GRID2: variants seen among roughly 807,000 people sequenced by gnomAD.
GRID2 encodes glutamate ionotropic receptor delta type subunit 2.
A neutral mutation model predicts 114.8 loss-of-function variants in GRID2; 33 were observed. That is an observed-to-expected ratio of 0.29 (90% CI 0.22 to 0.38). GRID2 has a LOEUF of 0.38. Among genes scored for constraint, GRID2 ranks in the 10% least tolerant of loss-of-function variants. The pLI is 1.00. For synonymous variants in GRID2, 505 were observed against 449.9 expected (o/e 1.12, Z -1.55); for missense variants, 1,184 against 1,257.7 (o/e 0.94, Z 0.89).
chr4:93,477,963 C>A (rs1725479535), intron 11 of GRID2, among the ~76,000 whole-genome samples: 1 of 152,022 alleles, frequency 6.6e-6, no homozygotes, highest in South Asian at 2.1e-4. Flanking sequence ...TAACATTGCA[C>A]TTAAGAGAGT....
intron 4 of GRID2, among the ~76,000 whole-genome samples, chr4:93,173,300 T>G (rs1355287931): frequency 6.6e-6 from 1 of 152,170 alleles, no homozygotes; most frequent in African/African-American, 2.4e-5. Context: ...GCACCATTTT[T>G]AAGAACTGAG....
intron 2 of GRID2, among the ~76,000 whole-genome samples, chr4:92,945,571 C>T (rs552562086): frequency 7.9e-5 from 12 of 152,264 alleles, no homozygotes; most frequent in East Asian, 3.9e-4. Context: ...TGTTATCCTT[C>T]GTTTTCTCTA....
chr4:93,178,812 C>T (rs547370158), intron 4 of GRID2, among the ~76,000 whole-genome samples: 1 of 152,126 alleles, frequency 6.6e-6, no homozygotes, highest in South Asian at 2.1e-4. Context: ...AACTGGTAAA[C>T]ACTACCTACC....
At chr4:92,332,615 ATGAG>A (rs1471184817) in intron 1 of GRID2, among the ~76,000 whole-genome samples, 1 of 152,206 alleles carries the variant, frequency 6.6e-6, no homozygotes, top group Non-Finnish European at 1.5e-5. Flanking sequence ...TAAATCAAAT[ATGAG>A]TGAGACTTAA....
intron 14 of GRID2, among the ~76,000 whole-genome samples, chr4:93,678,198 G>C (rs945131889): frequency 1.2e-4 from 19 of 152,138 alleles, no homozygotes; most frequent in Non-Finnish European, 2.5e-4. Flanking sequence ...TGAAATGAAT[G>C]AAATGAAGCA....
downstream of GRID2, among the ~76,000 whole-genome samples, chr4:93,779,097 T>C (rs1734427626): frequency 6.6e-6 from 1 of 152,154 alleles, no homozygotes; most frequent in Non-Finnish European, 1.5e-5. Context: ...GTTTTTGATG[T>C]GTCCAATGGC....
At chr4:93,528,725 G>A (rs1033931672) in intron 13 of GRID2, among the ~76,000 whole-genome samples, 1 of 152,012 alleles carries the variant, frequency 6.6e-6, no homozygotes, top group African/African-American at 2.4e-5. Context: ...CTATTAACCA[G>A]CCCCCAGCAA....
At chr4:92,858,091 GTCTGCT>G (rs1744293882) in intron 2 of GRID2, among the ~76,000 whole-genome samples, 1 of 152,182 alleles carries the variant, frequency 6.6e-6, no homozygotes, top group South Asian at 2.1e-4. Flanking sequence ...TTCAAATTAT[GTCTGCT>G]AATTGCCAAT....
intron 13 of GRID2, among the ~76,000 whole-genome samples, chr4:93,518,434 G>T (rs1434575933): frequency 1.3e-5 from 2 of 151,978 alleles, no homozygotes; most frequent in Non-Finnish European, 2.9e-5. Context: ...GAAAAAATAT[G>T]ATTTTTAAAA....
At chr4:92,385,811 G>A (rs890864945) in intron 1 of GRID2, among the ~76,000 whole-genome samples, 6 of 150,182 alleles carry the variant, frequency 4.0e-5, no homozygotes, top group Admixed American at 2.0e-4. Context: ...AAATAATTAA[G>A]TTATTTGGAT....
At chr4:92,468,092 C>T (rs1441827171) in intron 1 of GRID2, among the ~76,000 whole-genome samples, 1 of 151,888 alleles carries the variant, frequency 6.6e-6, no homozygotes, top group African/African-American at 2.4e-5. Context: ...GCTATCTCAT[C>T]CACCCAACAT....
At chr4:92,570,401 G>A (rs1579599825) in intron 1 of GRID2, among the ~76,000 whole-genome samples, 1 of 151,726 alleles carries the variant, frequency 6.6e-6, no homozygotes, top group Admixed American at 6.6e-5. Flanking sequence ...AAGCCTTTGG[G>A]TTTGTTCTTT....
chr4:92,396,541 T>C (rs1268504360), intron 1 of GRID2, among the ~76,000 whole-genome samples: 1 of 152,008 alleles, frequency 6.6e-6, no homozygotes, highest in Non-Finnish European at 1.5e-5. Context: ...CACTAGAAGA[T>C]GTGGCATATA....
At chr4:92,429,495 C>A (rs1223936933) in intron 1 of GRID2, among the ~76,000 whole-genome samples, 1 of 152,124 alleles carries the variant, frequency 6.6e-6, no homozygotes, top group African/African-American at 2.4e-5. Flanking sequence ...GTCCTTTCAT[C>A]TGTTGATGAA....
At chr4:93,287,370 C>T (rs16996390) in intron 8 of GRID2, among the ~76,000 whole-genome samples, 2,532 of 152,192 alleles carry the variant, frequency 0.017, 72 homozygotes, top group African/African-American at 0.058. Context: ...GAACTGGGAG[C>T]CTCACTTTAG....
intron 1 of GRID2, among the ~76,000 whole-genome samples, chr4:92,390,795 T>A (rs1184396940): frequency 6.6e-6 from 1 of 152,158 alleles, no homozygotes; most frequent in Non-Finnish European, 1.5e-5. Context: ...TCCTAGCTCT[T>A]ATTATCTTAT....
chr4:93,072,353 C>A (rs541867929), intron 2 of GRID2, among the ~76,000 whole-genome samples: 2 of 152,014 alleles, frequency 1.3e-5, no homozygotes, highest in African/African-American at 4.8e-5. Flanking sequence ...GAATCACTTG[C>A]AATTTTTATG....
At chr4:92,605,701 G>T (rs1329563093) in intron 2 of GRID2, among the ~76,000 whole-genome samples, 3 of 152,064 alleles carry the variant, frequency 2.0e-5, no homozygotes, top group Non-Finnish European at 4.4e-5. Flanking sequence ...GTAGGAGCTT[G>T]CTGTGTTGAG....
chr4:93,541,570 A>T (rs1167093972), intron 13 of GRID2, among the ~76,000 whole-genome samples: 1 of 151,648 alleles, frequency 6.6e-6, no homozygotes, highest in Non-Finnish European at 1.5e-5. Flanking sequence ...GCCAAAAAAT[A>T]TCTGATATAT....
Sources: gnomAD v4.1 joint callset for allele counts (sites outside exome capture counted in the v4.1 genomes callset) on GRCh38, gnomAD v4.1.1 for gene constraint, MANE v1.5 for transcripts, NCBI Gene and HGNC (gene_info 2026-07-23, HGNC 2026-07-21) for gene names.